MAML1: variants seen among roughly 807,000 people sequenced by gnomAD.
MAML1 encodes mastermind-like protein 1.
Under a neutral mutation model 77.1 loss-of-function variants are expected in MAML1, and 14 were observed. The observed-to-expected ratio is 0.18, with a 90% confidence interval of 0.12 to 0.28. The LOEUF is 0.28. MAML1 is among the 10% of genes least tolerant of loss of function. The pLI is 1.00. For missense variants in MAML1, 1,217 were observed against 1,327.8 expected (o/e 0.92, Z 1.30); for synonymous variants, 516 against 551.9 (o/e 0.93, Z 0.91).
At chr5:179,740,872 G>C (rs555966027) in intron 1 of MAML1, among the ~76,000 whole-genome samples, 6 of 152,214 alleles carry the variant, frequency 3.9e-5, no homozygotes, top group Non-Finnish European at 8.8e-5. Flanking sequence ...AAAAATATTA[G>C]TGTTCTCTAG....
At chr5:179,736,473 G>C (rs992681237) in intron 1 of MAML1, among the ~76,000 whole-genome samples, 4 of 151,684 alleles carry the variant, frequency 2.6e-5, no homozygotes, top group Non-Finnish European at 4.4e-5. Context: ...GGATGGTCTC[G>C]ATCTCCTGAC....
At position 179,775,294 on chromosome 5, in the gene MAML1, G is replaced by C. The variant is rs1212238403; in HGVS notation, c.*417G>C. The C allele has an allele frequency of 4.0e-6, 4 of 993,386 alleles. No individual in the cohort carries two copies. The highest frequency in any genetic ancestry group is 4.8e-6 in the Non-Finnish European group (4 of 835,680). The allele number at this position is 993,386 out of a possible 1,614,324, so 61.5% of individuals were successfully genotyped here. A position where few individuals can be genotyped will look rare whatever the true frequency, so the allele number is the denominator to read the frequency against. ...CAAGTTTCTGTTGAAACTTTAGATA[G>C]CAGAATTATTTGCAATTTGTAGCAT... is the stretch of plus-strand genomic sequence containing the variant. On this transcript the variant is annotated 3_prime_UTR_variant, in exon 5 of 5. Transcript: ENST00000292599.
chr5:179,743,993 G>A (rs1051351074), intron 1 of MAML1, among the ~76,000 whole-genome samples: 15 of 152,064 alleles, frequency 9.9e-5, no homozygotes, highest in African/African-American at 2.9e-4. Context: ...ATATCTTAGC[G>A]ATATGCTATC....
Position 179,774,563 on chromosome 5 carries a change from A to G in MAML1, c.2737A>G (p.Ser913Gly). 3 of 1,612,664 alleles carry G rather than the reference A, an allele frequency of 1.9e-6. No individual in the cohort carries two copies. The highest frequency in any genetic ancestry group is 2.5e-6 in the Non-Finnish European group (3 of 1,179,820). ...CCCAGTGAGTGCACAGCAGAGGACC[A>G]GCGCCCCTGCCCCAGCACCACCCCC... ...LPPVSAQQRT[S>G]APAPAPPPTA... The change falls in exon 5 of 5, where the codon AGC becomes GGC. Residue 913 changes from serine (S) to glycine (G), a missense_variant. By Grantham distance (56) the Ser-to-Gly change is moderately conservative. This residue lies in a region of MAML1 where 884 missense variants were observed against 949.3 expected (regional missense o/e 0.93). Coordinates refer to ENST00000292599, the MANE Select transcript of MAML1 (RefSeq NM_014757.5).
intron 1 of MAML1, among the ~76,000 whole-genome samples, chr5:179,751,298 C>T (rs1779485935): frequency 2.0e-5 from 3 of 152,128 alleles, no homozygotes; most frequent in Admixed American, 6.6e-5. Context: ...TTATACTGTC[C>T]ATGAGGGTAG....
Position 179,766,195 on chromosome 5 carries a change from T to C in MAML1, c.1185T>C (p.Ser395=). 1.2e-6 allele frequency: 2 copies of C among 1,609,438 alleles called. No homozygotes were observed. The highest frequency in any genetic ancestry group is 1.7e-6 in the Non-Finnish European group (2 of 1,177,620). ...CAGGAGGGGCCTCAGAGCTGTCCTCTGCCCACCAGCTCCAGCAGATCGCTG... is the reference window on the plus strand; with the variant it reads ...CAGGAGGGGCCTCAGAGCTGTCCTCCGCCCACCAGCTCCAGCAGATCGCTG... ...QGPGGASELS[S]AHQLQQIAAK... Residue 395 remains serine, a synonymous_variant, in exon 2 of 5, where the codon TCT becomes TCC. Coordinates refer to ENST00000292599, the MANE Select transcript of MAML1 (RefSeq NM_014757.5). This position sits in a 1 kb window ranked among gnomAD's most constrained non-coding sequence, Gnocchi z 4.0.
intron 1 of MAML1, among the ~76,000 whole-genome samples, chr5:179,752,342 A>ATATATATATATATATATATATATAT (rs1351079259): frequency 6.9e-5 from 6 of 86,580 alleles, no homozygotes; most frequent in Non-Finnish European, 1.4e-4. Flanking sequence ...AAAAAAAAAA[A>ATATATATATATATATATATATATAT]AAAAAAAAAT....
chr5:179,735,420 C>G (rs1468993804), intron 1 of MAML1, among the ~76,000 whole-genome samples: 1 of 152,150 alleles, frequency 6.6e-6, no homozygotes, highest in Non-Finnish European at 1.5e-5. Flanking sequence ...TGGAGTCTTG[C>G]CCTGTTGCCC....
At chr5:179,745,859 CAAA>C (rs36036714) in intron 1 of MAML1, among the ~76,000 whole-genome samples, 7 of 63,452 alleles carry the variant, frequency 1.1e-4, no homozygotes, top group East Asian at 4.8e-4. Flanking sequence ...AACTCCGTCT[CAAA>C]AAAAAAAAAA....
chr5:179,769,678 G>T lies in MAML1; in HGVS notation c.1971+589G>T, dbSNP rs1285568852. ...TGCAATTCTCCTGCCTCAGCCTCCC[G>T]AGTAGCTGGGACTACAGGCAAGAAC... On this transcript the variant is annotated intron_variant, in intron 3 of 4. Transcript: ENST00000292599. The surrounding 1 kb of genome is among the most constrained non-coding windows in gnomAD (Gnocchi z 4.2). 6.6e-6 allele frequency among the ~76,000 whole-genome samples: 1 copy of T among 151,770 alleles called. No individual in the cohort carries two copies. Among genetic ancestry groups the T allele is most frequent in the Non-Finnish European group, 1.5e-5 (1 of 67,960 alleles).
Position 179,733,257 on chromosome 5 carries a change from C to G in MAML1, c.145C>G (p.Leu49Val), listed in dbSNP as rs781042556. The G allele has an allele frequency of 8.2e-6, 12 of 1,466,708 alleles. No individual in the cohort carries two copies. In the South Asian group the frequency reaches 1.5e-4, roughly 19 times the overall value. 90.9% of individuals were successfully genotyped at this position (1,466,708 alleles called of 1,614,324 possible). ...CTACGAGGCCGTGTCGCCCGAGCGCCTGGAGCTGGAGCGCCAACACACCTT... is the reference window on the plus strand; with the variant it reads ...CTACGAGGCCGTGTCGCCCGAGCGCGTGGAGCTGGAGCGCCAACACACCTT... The part of the protein sequence containing the change: ...ARYEAVSPER[L>V]ELERQHTFAL... The change falls in exon 1 of 5, where the codon CTG becomes GTG. Residue 49 changes from leucine (L) to valine (V), a missense_variant. Physicochemically the swap from Leu to Val is conservative, Grantham distance 32. This residue lies in a region of MAML1 where 312 missense variants were observed against 331.4 expected (regional missense o/e 0.94). Transcript: ENST00000292599.
Position 179,774,433 on chromosome 5 carries a change from G to A in MAML1, c.2607G>A (p.Gln869=), listed in dbSNP as rs1756083991. Residue 869 remains glutamine, a synonymous_variant, in exon 5 of 5, where the codon CAG becomes CAA. Transcript: ENST00000292599. ...CTGCAGCCTCCAGTTTCCACATGCAGCAGCAGGCCCACCTGAAAATGTCTA... is the reference window on the plus strand; with the variant it reads ...CTGCAGCCTCCAGTTTCCACATGCAACAGCAGGCCCACCTGAAAATGTCTA... ...PFTAASSFHM[Q]QQAHLKMSSP... is the part of the protein sequence containing the mutation. 2 of 1,613,238 alleles carry A rather than the reference G, an allele frequency of 1.2e-6. No individual in the cohort carries two copies. Among genetic ancestry groups the A allele is most frequent in the Non-Finnish European group, 1.7e-6 (2 of 1,180,016 alleles).
chr5:179,766,034 G>A lies in MAML1; in HGVS notation c.1024G>A (p.Gly342Arg). 1 of 1,593,724 alleles carries A rather than the reference G, an allele frequency of 6.3e-7. No individual in the cohort carries two copies. The highest frequency in any genetic ancestry group is 1.4e-5 in the African/African-American group (1 of 74,064). The change falls in exon 2 of 5, where the codon GGG becomes AGG. Residue 342 changes from glycine (G) to arginine (R), a missense_variant. Physicochemically the swap from Gly to Arg is moderately radical, Grantham distance 125. Coordinates refer to ENST00000292599, the MANE Select transcript of MAML1 (RefSeq NM_014757.5). The surrounding 1 kb of genome is among the most constrained non-coding windows in gnomAD (Gnocchi z 4.0). ...TGTGAGTACAGATTCCCCCAGCCTA[G>A]GGGGCTCCCAAACCTTATTCCACAC... ...APVSTDSPSL[G>R]GSQTLFHTSG...
At chr5:179,735,474 G>A (rs1256809142) in intron 1 of MAML1, among the ~76,000 whole-genome samples, 2 of 152,030 alleles carry the variant, frequency 1.3e-5, no homozygotes, top group African/African-American at 2.4e-5. Context: ...AGCAATCTCC[G>A]CCTCCCAGGT....
chr5:179,735,237 C>T (rs527747167), intron 1 of MAML1, among the ~76,000 whole-genome samples: 2 of 152,156 alleles, frequency 1.3e-5, no homozygotes, highest in East Asian at 1.9e-4. Flanking sequence ...GTGGGACCCT[C>T]CTCCATCCCT....
intron 1 of MAML1, among the ~76,000 whole-genome samples, chr5:179,752,325 CAAAAAAAAAAAAA>C (rs1177449054): frequency 3.7e-5 from 2 of 53,658 alleles, no homozygotes; most frequent in Admixed American, 3.2e-4. Context: ...ACTCTGTCTC[CAAAAAAAAAAAAA>C]AAAAAAAAAA....
Position 179,765,882 on chromosome 5 carries a change from C to G in MAML1, c.872C>G (p.Pro291Arg), listed in dbSNP as rs774153392. The G allele has an allele frequency of 6.2e-7, 1 of 1,614,054 alleles. No individual in the cohort carries two copies. Among genetic ancestry groups the G allele is most frequent in the African/African-American group, 1.3e-5 (1 of 74,920 alleles). Residue 291 changes from proline to arginine, a missense_variant, in exon 2 of 5, where the codon CCC becomes CGC. This residue lies in a region of MAML1 where 884 missense variants were observed against 949.3 expected (regional missense o/e 0.93). Coordinates refer to ENST00000292599, the MANE Select transcript of MAML1 (RefSeq NM_014757.5). ...TCTTCTGGCTCTGCCACACAAACCC[C>G]CTTGGCACAGGACATTAATATTAAG... ...PESSGSATQT[P>R]LAQDINIKTE...
intron 1 of MAML1, among the ~76,000 whole-genome samples, chr5:179,745,701 A>G (rs77032626): frequency 6.6e-6 from 1 of 151,782 alleles, no homozygotes; most frequent in African/African-American, 2.4e-5. Context: ...TCTACTAAAA[A>G]TACAAAAAAT....
At chr5:179,759,043 G>T (rs752109528) in intron 1 of MAML1, among the ~76,000 whole-genome samples, 8 of 152,140 alleles carry the variant, frequency 5.3e-5, no homozygotes, top group Non-Finnish European at 1.0e-4. Context: ...TGGTATGTGG[G>T]ATTTCCTCAC....
Sources: gnomAD v4.1 joint callset for allele counts (sites outside exome capture counted in the v4.1 genomes callset) on GRCh38, gnomAD v4.1.1 for gene constraint, gnomAD v4.1.1 regional missense constraint, Gnocchi (gnomAD v3.1) non-coding constraint, MANE v1.5 for transcripts, NCBI Gene and HGNC (gene_info 2026-07-23, HGNC 2026-07-21) for gene names.